The following CYB5B variants were observed in gnomAD, a reference collection of about 807,000 sequenced individuals.
The protein encoded by CYB5B is cytochrome b5 type B (outer mitochondrial membrane).
A neutral mutation model predicts 21.3 loss-of-function variants in CYB5B; 14 were observed. That is an observed-to-expected ratio of 0.66 (90% CI 0.43 to 1.03). The LOEUF is 1.03. Ranked by LOEUF, CYB5B falls within the 50% of genes least tolerant of loss-of-function variation. CYB5B has a pLI of 0.00. For synonymous variants in CYB5B, 69 were observed against 68.4 expected (o/e 1.01, Z -0.04); for missense variants, 166 against 185.1 (o/e 0.90, Z 0.60).
At position 69,464,060 on chromosome 16, in the gene CYB5B, A is replaced by C. The variant is rs2015062533; in HGVS notation, c.*1540A>C. The C allele has an allele frequency of 1.3e-5, 2 of 152,202 alleles. No individual in the cohort carries two copies. The highest frequency in any genetic ancestry group is 4.1e-4 in the South Asian group (2 of 4,830). The allele number at this position is 152,202 out of a possible 1,614,324, so 9.4% of individuals were successfully genotyped here. ...CAGCTTGGTTCAAGAAGGACCATAG[A>C]GGCTGCTCAGCATCTCCTCCCTCCC... On this transcript the variant is annotated 3_prime_UTR_variant, in exon 5 of 5. Coordinates refer to ENST00000307892, the MANE Select transcript of CYB5B (RefSeq NM_030579.3).
chr16:69,458,111 A>C (rs1482045832), intron 3 of CYB5B, among the ~76,000 whole-genome samples: 1 of 152,218 alleles, frequency 6.6e-6, no homozygotes, highest in East Asian at 1.9e-4. Flanking sequence ...TGATACTTGA[A>C]TTGAGTAAAA....
intron 1 of CYB5B, among the ~76,000 whole-genome samples, chr16:69,441,707 G>A (rs528671942): frequency 6.6e-6 from 1 of 152,196 alleles, no homozygotes; most frequent in African/African-American, 2.4e-5. Context: ...TAGAATATCT[G>A]GGGTTTTTAG....
In CYB5B at chr16:69,424,630, G is replaced by T; in HGVS notation, c.-54G>T. The T allele has an allele frequency of 6.7e-7, 1 of 1,489,738 alleles. No individual in the cohort carries two copies. Among genetic ancestry groups the T allele is most frequent in the Non-Finnish European group, 9.0e-7 (1 of 1,116,384 alleles). 92.3% of individuals were successfully genotyped at this position (1,489,738 alleles called of 1,614,324 possible). A position where few individuals can be genotyped will look rare whatever the true frequency, so the allele number is the denominator to read the frequency against. ...TTACGGAAGCCGAGGAAGGCTGAGC[G>T]CGGGCTCTCAAGGAAAGTAGTCGCG... On this transcript the variant is annotated 5_prime_UTR_variant, in exon 1 of 5. Transcript: ENST00000307892.
intron 3 of CYB5B, chr16:69,449,936 C>G (rs1440054253): frequency 1.3e-5 from 2 of 152,178 alleles, no homozygotes. Context: ...ATTGAGCCAT[C>G]CAGGTGCAGT....
intron 1 of CYB5B, among the ~76,000 whole-genome samples, chr16:69,429,486 C>G (rs2142808356): frequency 6.6e-6 from 1 of 152,278 alleles, no homozygotes; most frequent in East Asian, 1.9e-4. Flanking sequence ...CTGATTGGTG[C>G]ATTTACAATC....
chr16:69,450,992 T>C (rs1367836038), intron 3 of CYB5B, among the ~76,000 whole-genome samples: 1 of 152,184 alleles, frequency 6.6e-6, no homozygotes, highest in Non-Finnish European at 1.5e-5. Context: ...ATAACACAGG[T>C]AAATAATTAA....
At chr16:69,433,797 G>A (rs1271487998) in intron 1 of CYB5B, among the ~76,000 whole-genome samples, 1 of 152,140 alleles carries the variant, frequency 6.6e-6, no homozygotes, top group Non-Finnish European at 1.5e-5. Context: ...GGTGCATTCT[G>A]AGAACTGCAT....
At chr16:69,446,832 A>C (rs905808275) in intron 1 of CYB5B, among the ~76,000 whole-genome samples, 2 of 151,842 alleles carry the variant, frequency 1.3e-5, no homozygotes, top group South Asian at 4.2e-4. Flanking sequence ...CAGTTTCTTC[A>C]CTCTTTCTTT....
intron 1 of CYB5B, among the ~76,000 whole-genome samples, chr16:69,425,369 C>T (rs1432732219): frequency 6.6e-6 from 1 of 151,988 alleles, no homozygotes; most frequent in Non-Finnish European, 1.5e-5. Flanking sequence ...TTTTTTCCCC[C>T]TAATCTGAGT....
intron 1 of CYB5B, among the ~76,000 whole-genome samples, chr16:69,432,833 A>G (rs551722682): frequency 2.8e-4 from 42 of 151,796 alleles, no homozygotes; most frequent in Non-Finnish European, 4.7e-4. Flanking sequence ...GTCTCGTTCT[A>G]TCACCCAGGC....
intron 1 of CYB5B, among the ~76,000 whole-genome samples, chr16:69,438,993 A>G (rs1388575966): frequency 6.6e-6 from 1 of 151,980 alleles, no homozygotes; most frequent in Non-Finnish European, 1.5e-5. Flanking sequence ...GTTGTTGCCC[A>G]TGCTTTTGGT....
chr16:69,462,354 C>A, intron 4 of CYB5B, 76 bp from the exon 5 acceptor site: 1 of 1,206,102 alleles, frequency 8.3e-7, no homozygotes, highest in Non-Finnish European at 1.2e-6. Context: ...TATATAAAAA[C>A]ATGTGAAAGC....
At chr16:69,431,526 CT>C (rs1252750391) in intron 1 of CYB5B, among the ~76,000 whole-genome samples, 2 of 152,088 alleles carry the variant, frequency 1.3e-5, no homozygotes, top group South Asian at 4.2e-4. Flanking sequence ...AATCCCAGCA[CT>C]TTGGGAAGCC....
intron 3 of CYB5B, among the ~76,000 whole-genome samples, chr16:69,455,146 G>T (rs936225587): frequency 2.0e-5 from 3 of 152,092 alleles, no homozygotes; most frequent in Non-Finnish European, 4.4e-5. Context: ...CGCCTGTCTC[G>T]GCCTCCCCAA....
In CYB5B at chr16:69,424,656, G is replaced by A. The variant is rs1392299768; in HGVS notation, c.-28G>A. On this transcript the variant is annotated 5_prime_UTR_variant, in exon 1 of 5. Transcript: ENST00000307892. ...CGGGCTCTCAAGGAAAGTAGTCGCG[G>A]AATCTCAGTTAGCGGTGGAGAGGCA... The A allele has an allele frequency of 2.0e-6, 3 of 1,505,758 alleles. No homozygotes were observed. The highest frequency in any genetic ancestry group is 2.7e-6 in the Non-Finnish European group (3 of 1,123,338). 93.3% of individuals were successfully genotyped at this position (1,505,758 alleles called of 1,614,324 possible). A position where few individuals can be genotyped will look rare whatever the true frequency, so the allele number is the denominator to read the frequency against.
chr16:69,446,553 A>T (rs2014880482), intron 1 of CYB5B, among the ~76,000 whole-genome samples: 1 of 152,154 alleles, frequency 6.6e-6, no homozygotes, highest in Non-Finnish European at 1.5e-5. Flanking sequence ...TGAACTCCTG[A>T]TCTCAAGTGA....
chr16:69,457,805 G>A (rs1391473613), intron 3 of CYB5B, among the ~76,000 whole-genome samples: 1 of 151,938 alleles, frequency 6.6e-6, no homozygotes, highest in African/African-American at 2.4e-5. Flanking sequence ...TCAGGTTTGG[G>A]GCATGTATTC....
intron 3 of CYB5B, chr16:69,449,428 C>G (rs2014911279): frequency 6.6e-6 from 1 of 152,258 alleles, no homozygotes; most frequent in South Asian, 2.1e-4. Context: ...TTTCAGAGGT[C>G]AACATCTGAT....
chr16:69,438,537 ATT>A (rs34840532), intron 1 of CYB5B, among the ~76,000 whole-genome samples: 7 of 148,008 alleles, frequency 4.7e-5, no homozygotes, highest in Admixed American at 6.7e-5. Context: ...CCATTTTTCG[ATT>A]TTTTTTTTTT....
Sources: allele counts gnomAD v4.1 joint callset (sites outside exome capture counted in the v4.1 genomes callset), GRCh38; gene constraint gnomAD v4.1.1; transcripts MANE v1.5; gene names NCBI Gene and HGNC (gene_info 2026-07-23, HGNC 2026-07-21).